DOCK2: variants seen among roughly 807,000 people sequenced by gnomAD.
DOCK2 encodes dedicator of cytokinesis 2, also known as dedicator of cytokinesis protein 2.
Under a neutral mutation model 248.9 loss-of-function variants are expected in DOCK2, and 87 were observed. The ratio of observed to expected loss-of-function variants is 0.35; its 90% CI spans 0.29 to 0.42. DOCK2 has a LOEUF of 0.42. DOCK2 is among the 10% of genes least tolerant of loss of function. DOCK2 has a pLI of 1.00. For missense variants in DOCK2, 1,747 were observed against 2,300.2 expected (o/e 0.76, Z 4.92); for synonymous variants, 805 against 821.6 (o/e 0.98, Z 0.35).
intron 25 of DOCK2, among the ~76,000 whole-genome samples, chr5:169,790,332 G>A (rs1766252982): frequency 6.6e-6 from 1 of 152,136 alleles, no homozygotes; most frequent in African/African-American, 2.4e-5. Flanking sequence ...GTTCATGTGT[G>A]GCTTGAGGAT....
chr5:169,638,834 A>G (rs1287676751), intron 1 of DOCK2, among the ~76,000 whole-genome samples: 1 of 152,190 alleles, frequency 6.6e-6, no homozygotes, highest in Non-Finnish European at 1.5e-5. Flanking sequence ...CCAAGTTTAC[A>G]TCACTTGGAA....
rs76313517 is a variant in DOCK2, at chr5:169,697,654, T to C, written c.980-720T>C. On this transcript the variant is annotated intron_variant, in intron 10 of 51. Coordinates refer to ENST00000520908, the MANE Select transcript of DOCK2 (RefSeq NM_004946.3). Reference sequence around the variant, plus strand: ...CTGCTCTCTGACTCCCCTCTCTATCTAGATGCAGTCAGTGGTTGATTATTA... The same window carrying C: ...CTGCTCTCTGACTCCCCTCTCTATCCAGATGCAGTCAGTGGTTGATTATTA... 2.9e-3 allele frequency among the ~76,000 whole-genome samples: 447 copies of C among 152,266 alleles called. 18 individuals carry two copies. The East Asian group carries it at 0.074, about 25-fold the overall frequency.
rs182493500 is a variant in DOCK2 at position 169,911,457 on chromosome 5, T to C, written c.2799+70605T>C. 4.5e-4 allele frequency among the ~76,000 whole-genome samples: 69 copies of C among 152,314 alleles called. 1 individual carries two copies. Among genetic ancestry groups the C allele is most frequent in the East Asian group, 4.4e-3 (23 of 5,188 alleles). ...GAGCTGTACATAAGATTGCCCTCCA[T>C]GTCCAGACTGGGGATGTTTAATGTG... On this transcript the variant is annotated intron_variant, in intron 27 of 51. Transcript: ENST00000520908.
chr5:169,963,220 T>G (rs375155674), intron 27 of DOCK2, among the ~76,000 whole-genome samples: 5 of 152,174 alleles, frequency 3.3e-5, no homozygotes, highest in African/African-American at 1.2e-4. Context: ...GTGGTCCACG[T>G]GGGGTGGGTA....
chr5:169,812,261 G>A (rs1409042862), intron 26 of DOCK2, among the ~76,000 whole-genome samples: 1 of 152,228 alleles, frequency 6.6e-6, no homozygotes, highest in African/African-American at 2.4e-5. Flanking sequence ...GAACCCTATT[G>A]TGAACTGCAC....
At chr5:169,861,313 A>C (rs533709041) in intron 27 of DOCK2, among the ~76,000 whole-genome samples, 1 of 152,386 alleles carries the variant, frequency 6.6e-6, no homozygotes, top group South Asian at 2.1e-4. Flanking sequence ...ACCTAGAAAA[A>C]ATATGTAAGT....
chr5:169,849,478 T>G (rs564217425), intron 27 of DOCK2, among the ~76,000 whole-genome samples: 2 of 152,336 alleles, frequency 1.3e-5, no homozygotes, highest in South Asian at 4.1e-4. Context: ...ATTGAGCACT[T>G]TGAACTCAGT....
intron 25 of DOCK2, among the ~76,000 whole-genome samples, chr5:169,772,662 G>C (rs1765155075): frequency 6.6e-6 from 1 of 152,108 alleles, no homozygotes; most frequent in Non-Finnish European, 1.5e-5. Context: ...TTTTAAAAAA[G>C]TCATCCTCTG....
At chr5:170,079,233 G>C in intron 49 of DOCK2, 87 bp downstream of exon 49, 1 of 1,507,886 alleles carries the variant, frequency 6.6e-7, no homozygotes, top group South Asian at 1.3e-5. Context: ...TTCCAGATAT[G>C]GGCTTCCTGA....
chr5:170,077,866 C>G (rs752925000), intron 48 of DOCK2, 29 bp downstream of exon 48: 56 of 1,605,262 alleles, frequency 3.5e-5, no homozygotes, highest in Admixed American at 2.0e-4. Context: ...AGGAGCCCCC[C>G]ACACCCCTGC....
intron 27 of DOCK2, among the ~76,000 whole-genome samples, chr5:169,861,552 T>C (rs769607744): frequency 5.9e-5 from 9 of 152,224 alleles, no homozygotes. Flanking sequence ...ATAAAAGTAA[T>C]TTTTGCTAAG....
chr5:169,860,781 A>G (rs1771151535), intron 27 of DOCK2, among the ~76,000 whole-genome samples: 1 of 152,190 alleles, frequency 6.6e-6, no homozygotes, highest in African/African-American at 2.4e-5. Context: ...GCTTGGTGTG[A>G]ATGTGCCTTT....
chr5:169,781,878 T>C (rs981339877), intron 25 of DOCK2, among the ~76,000 whole-genome samples: 2 of 152,132 alleles, frequency 1.3e-5, no homozygotes, highest in African/African-American at 4.8e-5. Context: ...GTCTCAAAAA[T>C]TTGCTTTTCA....
chr5:170,018,932 A>G (rs565984836), intron 32 of DOCK2, 28 bp from the exon 33 acceptor site: 6 of 1,611,146 alleles, frequency 3.7e-6, no homozygotes, highest in African/African-American at 1.3e-5. Context: ...GAACTGTTTT[A>G]TGTGTTCATG....
chr5:169,928,827 G>A (rs1331274102), intron 27 of DOCK2, among the ~76,000 whole-genome samples: 2 of 152,208 alleles, frequency 1.3e-5, no homozygotes, highest in Non-Finnish European at 2.9e-5. Flanking sequence ...TACTACACAA[G>A]TAATTACTCA....
intron 1 of DOCK2, among the ~76,000 whole-genome samples, chr5:169,653,271 C>T (rs1222812886): frequency 1.3e-5 from 2 of 152,170 alleles, no homozygotes; most frequent in African/African-American, 2.4e-5. Context: ...CGTTTAGTTC[C>T]TCTTTAGGAA....
chr5:170,043,438 C>T (rs935590220), intron 38 of DOCK2, among the ~76,000 whole-genome samples: 1 of 152,212 alleles, frequency 6.6e-6, no homozygotes. Context: ...CCTGAGTCCT[C>T]TGGCTTACCT....
At position 169,995,029 on chromosome 5, in the gene DOCK2, ATTTT is replaced by A. The variant is rs11321220; in HGVS notation, c.2994-1041_2994-1038del. Among the ~76,000 whole-genome samples, 19 of 140,562 alleles carry A rather than the reference ATTTT, an allele frequency of 1.4e-4. No homozygotes were observed. In the East Asian group the frequency reaches 2.6e-3, roughly 19 times the overall value. 92.2% of individuals were successfully genotyped at this position (140,562 alleles called of 152,430 possible). A position where few individuals can be genotyped will look rare whatever the true frequency, so the allele number is the denominator to read the frequency against. ...CATTTGACCAGTATTGTTATTTTTTATTTTTTTTTTTTTTTTTTTGAGAGAGACT... is the reference window on the plus strand; with the variant it reads ...CATTTGACCAGTATTGTTATTTTTTATTTTTTTTTTTTTTTGAGAGAGACT... On this transcript the variant is annotated intron_variant, in intron 29 of 51. Coordinates refer to ENST00000520908, the MANE Select transcript of DOCK2 (RefSeq NM_004946.3).
intron 27 of DOCK2, among the ~76,000 whole-genome samples, chr5:169,919,227 A>G (rs1204475334): frequency 2.0e-5 from 3 of 152,192 alleles, no homozygotes; most frequent in Admixed American, 1.3e-4. Context: ...GAGAAGCTGC[A>G]TAAGTTTTCC....
Sources: allele counts gnomAD v4.1 joint callset (sites outside exome capture counted in the v4.1 genomes callset), GRCh38; gene constraint gnomAD v4.1.1; transcripts MANE v1.5; gene names NCBI Gene and HGNC (gene_info 2026-07-23, HGNC 2026-07-21).